The following MNAT1 variants were observed in gnomAD, a reference collection of about 807,000 sequenced individuals.
The protein encoded by MNAT1 is CDK-activating kinase assembly factor MAT1.
MNAT1 carries 43 observed loss-of-function variants against 42.0 expected under a neutral mutation model. The observed-to-expected ratio is 1.02, with a 90% confidence interval of 0.80 to 1.32. The LOEUF is 1.32. MNAT1 is among the 40% of genes most tolerant of loss of function. The pLI is 0.00. For missense variants in MNAT1, 306 were observed against 350.4 expected (o/e 0.87, Z 1.01); for synonymous variants, 118 against 120.0 (o/e 0.98, Z 0.11).
At chr14:60,902,482 G>A (rs565228498) in intron 7 of MNAT1, among the ~76,000 whole-genome samples, 1 of 152,200 alleles carries the variant, frequency 6.6e-6, no homozygotes. Flanking sequence ...ATACTTTGAA[G>A]TAAACTTTGT....
At chr14:60,742,542 CATAAAATTCACACATTTAAAGT>C (rs1300454750) in intron 1 of MNAT1, among the ~76,000 whole-genome samples, 2 of 152,030 alleles carry the variant, frequency 1.3e-5, no homozygotes, top group Non-Finnish European at 2.9e-5. Context: ...ATTCACGTAC[CATAAAATTCACACATTTAAAGT>C]GTACGTTTCA....
At chr14:60,799,585 G>T (rs1159866064) in intron 3 of MNAT1, among the ~76,000 whole-genome samples, 1 of 152,012 alleles carries the variant, frequency 6.6e-6, no homozygotes, top group Admixed American at 6.6e-5. Context: ...CAAGCAGGCA[G>T]TCAGGATAAC....
chr14:60,960,625 T>C (rs75386227), intron 7 of MNAT1, among the ~76,000 whole-genome samples: 401 of 152,232 alleles, frequency 2.6e-3, no homozygotes, highest in African/African-American at 9.2e-3. Flanking sequence ...CCTTAATTGC[T>C]TCTCCAGTTT....
intron 7 of MNAT1, among the ~76,000 whole-genome samples, chr14:60,957,244 A>T (rs2036503132): frequency 6.6e-6 from 1 of 152,182 alleles, no homozygotes; most frequent in Admixed American, 6.5e-5. Context: ...AACATACAAA[A>T]ACTTACTTTT....
At chr14:60,838,694 G>C (rs1385607509) in intron 6 of MNAT1, among the ~76,000 whole-genome samples, 6 of 151,884 alleles carry the variant, frequency 4.0e-5, no homozygotes, top group Non-Finnish European at 8.8e-5. Flanking sequence ...GGAGCCCTGT[G>C]CTCCTGCTGG....
intron 3 of MNAT1, among the ~76,000 whole-genome samples, chr14:60,802,101 GT>G (rs2032221597): frequency 6.6e-6 from 1 of 152,164 alleles, no homozygotes; most frequent in African/African-American, 2.4e-5. Flanking sequence ...GAGTAGAATG[GT>G]GGCTACCAGA....
intron 1 of MNAT1, among the ~76,000 whole-genome samples, chr14:60,784,975 C>G (rs1475497127): frequency 6.6e-6 from 1 of 152,078 alleles, no homozygotes; most frequent in Non-Finnish European, 1.5e-5. Context: ...GTCTCAGCCT[C>G]CTGAGTAGCT....
intron 1 of MNAT1, among the ~76,000 whole-genome samples, chr14:60,766,221 G>T (rs536981619): frequency 1.3e-5 from 2 of 151,696 alleles, no homozygotes; most frequent in African/African-American, 2.4e-5. Context: ...GGTGGTGGGC[G>T]CCCATAATCC....
intron 1 of MNAT1, among the ~76,000 whole-genome samples, chr14:60,784,885 C>T (rs577110627): frequency 1.3e-5 from 2 of 151,836 alleles, no homozygotes; most frequent in South Asian, 4.2e-4. Flanking sequence ...CGAGTCTCAA[C>T]TCTGTTGCCT....
chr14:60,910,226 C>T (rs532480083), intron 7 of MNAT1, among the ~76,000 whole-genome samples: 51 of 152,064 alleles, frequency 3.4e-4, no homozygotes, highest in African/African-American at 1.0e-3. Context: ...GATTTTGGGC[C>T]GAGATGATGG....
intron 2 of MNAT1, among the ~76,000 whole-genome samples, chr14:60,796,922 A>G (rs1176326679): frequency 6.6e-6 from 1 of 152,092 alleles, no homozygotes; most frequent in African/African-American, 2.4e-5. Context: ...CGTGTTAGCT[A>G]TAGTTTATTT....
intron 7 of MNAT1, among the ~76,000 whole-genome samples, chr14:60,939,370 G>A (rs1326162210): frequency 6.6e-6 from 1 of 151,992 alleles, no homozygotes; most frequent in African/African-American, 2.4e-5. Context: ...TGGGCATTTA[G>A]TCCTATAAAG....
intron 1 of MNAT1, among the ~76,000 whole-genome samples, chr14:60,756,242 T>C (rs924557640): frequency 1.3e-5 from 2 of 152,216 alleles, no homozygotes; most frequent in African/African-American, 4.8e-5. Context: ...TCAGTGATAG[T>C]ACACAACCAT....
chr14:60,747,055 G>A (rs536385611), intron 1 of MNAT1, among the ~76,000 whole-genome samples: 2 of 143,492 alleles, frequency 1.4e-5, no homozygotes, highest in East Asian at 2.1e-4. Context: ...GTGCGATCTC[G>A]GCTCACTGCA....
intron 7 of MNAT1, among the ~76,000 whole-genome samples, chr14:60,942,003 C>CAAAAAAAAA (rs3080602): frequency 1.0e-4 from 3 of 29,942 alleles, no homozygotes; most frequent in African/African-American, 5.6e-4. Context: ...GGCTCCATCT[C>CAAAAAAAAA]AAAAAAAAAA....
At chr14:60,931,760 T>G (rs1426899167) in intron 7 of MNAT1, among the ~76,000 whole-genome samples, 2 of 152,246 alleles carry the variant, frequency 1.3e-5, no homozygotes, top group Middle Eastern at 6.8e-3. Flanking sequence ...TGTGTATATA[T>G]ATGGTGTGTG....
intron 7 of MNAT1, among the ~76,000 whole-genome samples, chr14:60,950,229 G>A (rs2036355400): frequency 6.6e-6 from 1 of 151,912 alleles, no homozygotes; most frequent in Non-Finnish European, 1.5e-5. Context: ...TGAATTTTTT[G>A]TTTTTCCTTG....
intron 1 of MNAT1, among the ~76,000 whole-genome samples, chr14:60,768,024 A>G: frequency 6.6e-6 from 1 of 152,092 alleles, no homozygotes; most frequent in East Asian, 1.9e-4. Flanking sequence ...TCGGCCTCCC[A>G]AAGTGCTGGG....
chr14:60,858,972 G>A (rs910252823), intron 6 of MNAT1, among the ~76,000 whole-genome samples: 6 of 152,158 alleles, frequency 3.9e-5, no homozygotes, highest in African/African-American at 1.4e-4. Flanking sequence ...GTCTACAACC[G>A]AACCTGCAAT....
Sources: gnomAD v4.1 joint callset for allele counts (sites outside exome capture counted in the v4.1 genomes callset) on GRCh38, gnomAD v4.1.1 for gene constraint, MANE v1.5 for transcripts, NCBI Gene and HGNC (gene_info 2026-07-23, HGNC 2026-07-21) for gene names.